Variants in FAM229B observed in about 807,000 individuals in gnomAD.
The protein encoded by FAM229B is family with sequence similarity 229 member B.
FAM229B carries 2 observed loss-of-function variants against 6.7 expected under a neutral mutation model. The ratio of observed to expected loss-of-function variants is 0.30; its 90% CI spans 0.12 to 0.94. The LOEUF is 0.94. Ranked by LOEUF, FAM229B falls within the 40% of genes least tolerant of loss-of-function variation. FAM229B has a pLI of 0.54. For synonymous variants in FAM229B, 29 were observed against 34.0 expected, an observed-to-expected ratio of 0.85 and a Z score of 0.51; for missense variants, 93 against 96.2, an observed-to-expected ratio of 0.97 and a Z score of 0.14.
At chr6:112,089,736 A>T (rs1260041381) in intron 1 of FAM229B, among the ~76,000 whole-genome samples, 1 of 152,216 alleles carries the variant, frequency 6.6e-6, no homozygotes, top group Non-Finnish European at 1.5e-5. Flanking sequence ...TCTTAAAATA[A>T]TAACAATACT....
chr6:112,091,924 A>G (rs182904972), intron 1 of FAM229B, among the ~76,000 whole-genome samples: 1 of 152,290 alleles, frequency 6.6e-6, no homozygotes, highest in African/African-American at 2.4e-5. Flanking sequence ...GATGAAAAGT[A>G]CAATATCTAA....
chr6:112,095,685 A>G (rs1360557048), intron 1 of FAM229B, among the ~76,000 whole-genome samples: 3 of 149,570 alleles, frequency 2.0e-5, no homozygotes, highest in East Asian at 3.9e-4. Flanking sequence ...AAAGAAAAAA[A>G]AAAACCTCTA....
intron 1 of FAM229B, among the ~76,000 whole-genome samples, chr6:112,093,013 A>G (rs1777277314): frequency 6.6e-6 from 1 of 151,948 alleles, no homozygotes; most frequent in South Asian, 2.1e-4. Flanking sequence ...GAGTACAAAA[A>G]GCAAGATGGC....
chr6:112,100,488 C>G (rs1554319132), intron 3 of FAM229B, among the ~76,000 whole-genome samples, 182 bp from the exon 4 acceptor site: 2 of 152,150 alleles, frequency 1.3e-5, no homozygotes, highest in Non-Finnish European at 2.9e-5. Context: ...GCCACAATTT[C>G]TTTGTTATAT....
intron 1 of FAM229B, among the ~76,000 whole-genome samples, chr6:112,088,953 C>A (rs587712213): frequency 6.6e-6 from 1 of 152,298 alleles, no homozygotes; most frequent in Admixed American, 6.5e-5. Context: ...TTAATAACTT[C>A]AGTCTCTAGA....
Position 112,100,765 on chromosome 6 carries a change from G to T in FAM229B, c.221G>T (p.Ser74Ile). 1 of 1,613,408 alleles carries T rather than the reference G, an allele frequency of 6.2e-7. No homozygotes were observed. The highest frequency in any genetic ancestry group is 8.5e-7 in the Non-Finnish European group (1 of 1,179,374). Residue 74 changes from serine (S) to isoleucine (I), a missense_variant, in exon 4 of 4, where the codon AGC (serine) becomes ATC (isoleucine). Transcript: ENST00000368656. ...ACGAGAAAGCCACCTGCACAAAGCA[G>T]CAAGGAAATGCATCCTAAATAGCAC... ...ATTRKPPAQS[S>I]KEMHPK
intron 1 of FAM229B, among the ~76,000 whole-genome samples, chr6:112,093,478 T>C (rs1264384204): frequency 1.3e-5 from 2 of 152,020 alleles, no homozygotes; most frequent in Non-Finnish European, 2.9e-5. Context: ...ATATAGAAAA[T>C]CAGTAAGAAT....
chr6:112,101,500 T>C lies in FAM229B; in HGVS notation c.*713T>C, dbSNP rs1328844104. ...AGGTATCTTGATAAATTGTTTACAG[T>C]AGGTATTGAGAAACCTCATGTGGAT... On this transcript the variant is annotated 3_prime_UTR_variant, in exon 4 of 4. Transcript: ENST00000368656. The C allele has an allele frequency of 6.6e-6, 1 of 152,234 alleles. No homozygotes were observed. Among genetic ancestry groups the C allele is most frequent in the Non-Finnish European group, 1.5e-5 (1 of 68,044 alleles). The allele number at this position is 152,234 out of a possible 1,614,324, so 9.4% of individuals were successfully genotyped here. A position where few individuals can be genotyped will look rare whatever the true frequency, so the allele number is the denominator to read the frequency against.
chr6:112,096,214 A>G (rs1306973544), intron 1 of FAM229B, among the ~76,000 whole-genome samples: 2 of 152,182 alleles, frequency 1.3e-5, no homozygotes, highest in Non-Finnish European at 2.9e-5. Context: ...ATGAGCAGAG[A>G]AGCAGCCCAG....
chr6:112,095,132 C>T (rs1554318531), intron 1 of FAM229B, among the ~76,000 whole-genome samples: 1 of 152,148 alleles, frequency 6.6e-6, no homozygotes, highest in African/African-American at 2.4e-5. Context: ...AAGGTGAAAT[C>T]AGTGTCTCAA....
chr6:112,087,691 G>C lies in FAM229B; in HGVS notation c.-205G>C. 2.1e-6 allele frequency: 1 copy of C among 474,038 alleles called. No homozygotes were observed. The highest frequency in any genetic ancestry group is 3.7e-5 in the South Asian group (1 of 26,718). The allele number at this position is 474,038 out of a possible 1,614,324, so 29.4% of individuals were successfully genotyped here. On this transcript the variant is annotated 5_prime_UTR_variant, in exon 1 of 4. Coordinates refer to ENST00000368656, the MANE Select transcript of FAM229B (RefSeq NM_001033564.3). ...TGCCTTGTCAACATCTTCGAGCATC[G>C]GCAGCTCCGGAGGCCGGGGTAACTG...
chr6:112,087,618 G>GT lies in FAM229B; in HGVS notation c.-277dup, dbSNP rs1282535328. On this transcript the variant is annotated 5_prime_UTR_variant, in exon 1 of 4. Transcript: ENST00000368656. ...CAGAAGGCCGCGCAAGTGCACTTGC[G>GT]TGTCACCGTTACCGTAGCGACTGGG... 7.9e-6 allele frequency: 5 copies of GT among 634,318 alleles called. No individual in the cohort carries two copies. The highest frequency in any genetic ancestry group is 5.9e-5 in the Admixed American group (2 of 33,778). The allele number at this position is 634,318 out of a possible 1,614,324, so 39.3% of individuals were successfully genotyped here.
intron 1 of FAM229B, among the ~76,000 whole-genome samples, chr6:112,092,647 G>A (rs1336953397): frequency 2.0e-5 from 3 of 151,926 alleles, no homozygotes; most frequent in African/African-American, 7.2e-5. Flanking sequence ...AATATAGAAG[G>A]CATCTCTTGT....
chr6:112,088,815 G>A (rs1355832511), intron 1 of FAM229B, among the ~76,000 whole-genome samples: 1 of 152,206 alleles, frequency 6.6e-6, no homozygotes, highest in African/African-American at 2.4e-5. Context: ...GCAGTGATGT[G>A]AATAGGTCTG....
At chr6:112,097,685 T>G (rs782626031) in intron 2 of FAM229B, among the ~76,000 whole-genome samples, 3 of 152,248 alleles carry the variant, frequency 2.0e-5, no homozygotes, top group Admixed American at 6.5e-5. Context: ...GTTGAAAACA[T>G]TGTGTACTAA....
At chr6:112,094,572 A>G (rs1554318487) in intron 1 of FAM229B, among the ~76,000 whole-genome samples, 2 of 152,186 alleles carry the variant, frequency 1.3e-5, no homozygotes, top group East Asian at 3.9e-4. Flanking sequence ...TAAATATCCT[A>G]GACTAAAACA....
chr6:112,096,900 C>T (rs1385835065), intron 1 of FAM229B, 141 bp from the exon 2 acceptor site: 1 of 152,174 alleles, frequency 6.6e-6, no homozygotes, highest in African/African-American at 2.4e-5. Context: ...TAGGTCCCCA[C>T]TCATGGATGA....
intron 1 of FAM229B, among the ~76,000 whole-genome samples, chr6:112,092,354 A>G (rs1286149454): frequency 1.3e-5 from 2 of 152,134 alleles, no homozygotes; most frequent in Non-Finnish European, 2.9e-5. Flanking sequence ...AGATAAAAAA[A>G]TCAACAGACT....
At chr6:112,094,775 C>T (rs1777300774) in intron 1 of FAM229B, among the ~76,000 whole-genome samples, 1 of 152,130 alleles carries the variant, frequency 6.6e-6, no homozygotes, top group Non-Finnish European at 1.5e-5. Context: ...CACTCATTTT[C>T]TGCATCTCAT....
Sources: allele counts gnomAD v4.1 joint callset (sites outside exome capture counted in the v4.1 genomes callset), GRCh38; gene constraint gnomAD v4.1.1; transcripts MANE v1.5; gene names NCBI Gene and HGNC (gene_info 2026-07-23, HGNC 2026-07-21).